Variants in RTL4 observed in about 807,000 individuals in gnomAD.
RTL4 encodes the protein retrotransposon Gag-like protein 4.
RTL4 carries 4 observed loss-of-function variants against 5.3 expected under a neutral mutation model. The ratio of observed to expected loss-of-function variants is 0.75; its 90% CI spans 0.37 to 1.72. The LOEUF (loss-of-function observed/expected upper bound fraction) is 1.72. RTL4 is among the 40% of genes most tolerant of loss of function. The probability of loss-of-function intolerance (pLI) is 0.04; values close to 1 mark genes in which losing one functional copy is unlikely to be tolerated. For synonymous variants in RTL4, 98 were observed against 87.3 expected (o/e 1.12, Z -0.68); for missense variants, 260 against 227.1 (o/e 1.14, Z -0.93).
At chrX:112,356,719 A>T in the RTL4 span, among the ~76,000 whole-genome samples, 1 of 110,647 alleles carries the variant, frequency 9.0e-6, no homozygotes, top group African/African-American at 3.3e-5. Context: ...TTATCTTGTA[A>T]GTAACTTTGC....
chrX:112,263,056 G>A, the RTL4 span, among the ~76,000 whole-genome samples: 1 of 97,506 alleles, frequency 1.0e-5, no homozygotes. Flanking sequence ...CCTGTTTTGG[G>A]GTTGGGGGGA....
At chrX:112,138,246 G>A in the RTL4 span, among the ~76,000 whole-genome samples, 3 of 112,215 alleles carry the variant, frequency 2.7e-5, no homozygotes, top group Admixed American at 2.8e-4. Context: ...GGGATTGAAG[G>A]AGAGGGAAAC....
At chrX:112,165,798 A>T in the RTL4 span, among the ~76,000 whole-genome samples, 3 of 111,735 alleles carry the variant, frequency 2.7e-5, no homozygotes, top group Admixed American at 1.9e-4. Flanking sequence ...TTCTAGCCCC[A>T]AGATAGGTGG....
chrX:112,155,618 G>C, the RTL4 span, among the ~76,000 whole-genome samples: 1 of 111,360 alleles, frequency 9.0e-6, no homozygotes, highest in Non-Finnish European at 1.9e-5. Context: ...CTGTGGAGCT[G>C]GGAATGGGGT....
At chrX:112,188,401 A>C in the RTL4 span, among the ~76,000 whole-genome samples, 1 of 112,056 alleles carries the variant, frequency 8.9e-6, no homozygotes, top group South Asian at 3.8e-4. Context: ...CACTGCCTCC[A>C]TCCCCAGGCA....
the RTL4 span, among the ~76,000 whole-genome samples, chrX:112,345,128 G>A: frequency 9.0e-6 from 1 of 111,161 alleles, no homozygotes; most frequent in Non-Finnish European, 1.9e-5. Context: ...GCAAGGGGTG[G>A]TCTGCCTGTA....
At chrX:112,123,287 A>C in the RTL4 span, among the ~76,000 whole-genome samples, 8 of 112,514 alleles carry the variant, frequency 7.1e-5, no homozygotes, top group Admixed American at 7.6e-4. Flanking sequence ...GTTTATAAAA[A>C]TGAGAAACTT....
chrX:112,321,259 G>T, the RTL4 span, among the ~76,000 whole-genome samples: 3 of 111,563 alleles, frequency 2.7e-5, no homozygotes, highest in East Asian at 5.6e-4. Flanking sequence ...AAATTTGGGC[G>T]GGGCTAGGTG....
chrX:112,340,662 C>T, the RTL4 span, among the ~76,000 whole-genome samples: 1 of 109,613 alleles, frequency 9.1e-6, no homozygotes, highest in African/African-American at 3.3e-5. Context: ...TCCCAAGAAG[C>T]TTTTGATGTC....
chrX:112,115,213 G>A, the RTL4 span, among the ~76,000 whole-genome samples: 9 of 111,221 alleles, frequency 8.1e-5, no homozygotes, highest in African/African-American at 1.3e-4. Flanking sequence ...ACCCCTCTCC[G>A]CTTAGACCAC....
chrX:112,188,600 T>C, the RTL4 span, among the ~76,000 whole-genome samples: 2 of 111,772 alleles, frequency 1.8e-5, no homozygotes, highest in Non-Finnish European at 3.8e-5. Flanking sequence ...TGCATTTTAC[T>C]GATCCTTGGA....
chrX:112,436,832 G>A, the RTL4 span, among the ~76,000 whole-genome samples: 6 of 111,265 alleles, frequency 5.4e-5, no homozygotes, highest in African/African-American at 2.0e-4. Context: ...TAATTCTGCT[G>A]GCTGGAGGAG....
chrX:112,221,306 C>G, the RTL4 span, among the ~76,000 whole-genome samples: 1 of 111,714 alleles, frequency 9.0e-6, no homozygotes, highest in African/African-American at 3.3e-5. Context: ...CCAATCATCT[C>G]TCACTGAGTC....
chrX:112,354,397 A>G, the RTL4 span, among the ~76,000 whole-genome samples: 3 of 111,577 alleles, frequency 2.7e-5, 1 homozygote, highest in East Asian at 8.5e-4. Flanking sequence ...TAAATGGATT[A>G]ATATTTGTAA....
At chrX:112,096,464 A>G in the RTL4 span, among the ~76,000 whole-genome samples, 3 of 111,643 alleles carry the variant, frequency 2.7e-5, no homozygotes, top group African/African-American at 9.8e-5. Context: ...ATGGGTCCTC[A>G]GATCCAGGCA....
At chrX:112,237,503 G>T in the RTL4 span, among the ~76,000 whole-genome samples, 2 of 112,290 alleles carry the variant, frequency 1.8e-5, no homozygotes, top group African/African-American at 6.5e-5. Context: ...TAGCCAGCAG[G>T]AGGGCAGAAG....
the RTL4 span, among the ~76,000 whole-genome samples, chrX:112,380,150 A>ATTTT: frequency 0.038 from 3,776 of 100,123 alleles, 236 homozygotes; most frequent in African/African-American, 0.13. Context: ...ATGAAGATCA[A>ATTTT]TTTTTTTTTT....
the RTL4 span, among the ~76,000 whole-genome samples, chrX:112,115,696 A>G: frequency 0.17 from 18,692 of 111,076 alleles, 2,443 homozygotes; most frequent in African/African-American, 0.44. Context: ...TGGTAAGCCC[A>G]GGTGCCTAAG....
the RTL4 span, among the ~76,000 whole-genome samples, chrX:112,207,466 G>A: frequency 9.0e-6 from 1 of 111,551 alleles, no homozygotes; most frequent in East Asian, 2.8e-4. Context: ...TGAAAAATTT[G>A]TTTCAAAATG....
Sources: allele counts gnomAD v4.1 joint callset (sites outside exome capture counted in the v4.1 genomes callset), GRCh38; gene constraint gnomAD v4.1.1; transcripts MANE v1.5; gene names NCBI Gene and HGNC (gene_info 2026-07-23, HGNC 2026-07-21).